AADAT: variants seen among roughly 807,000 people sequenced by gnomAD.
AADAT encodes the protein aminoadipate aminotransferase.
In AADAT, 25 loss-of-function variants were observed where a neutral mutation model predicts 56.2. The ratio of observed to expected loss-of-function variants is 0.44; its 90% CI spans 0.32 to 0.62. The LOEUF (loss-of-function observed/expected upper bound fraction) is 0.62. AADAT is among the 20% of genes least tolerant of loss of function. The pLI, the probability that AADAT is intolerant of heterozygous loss-of-function variation, is 0.04. For synonymous variants in AADAT, 173 were observed against 164.7 expected, an observed-to-expected ratio of 1.05 and a Z score of -0.39; for missense variants, 387 against 510.5, an observed-to-expected ratio of 0.76 and a Z score of 2.33.
At position 170,061,961 on chromosome 4, in the gene AADAT, G is replaced by A. The variant is rs1054031905; in HGVS notation, c.1167C>T (p.Val389=). The A allele has an allele frequency of 6.8e-6, 11 of 1,612,774 alleles. No individual in the cohort carries two copies. Among genetic ancestry groups the A allele is most frequent in the Admixed American group, 1.7e-5 (1 of 59,946 alleles). Residue 389 remains valine, a synonymous_variant, in exon 12 of 13, where the codon GTC becomes GTT. Transcript: ENST00000337664. ...AGTAAGGGCTAGGAGCTGAGCTATC[G>A]ACGTAGAAAGCATTTCCAGGGAGCA... The part of the protein sequence containing the change: ...VLMLPGNAFY[V]DSSAPSPYLR...
At chr4:170,068,275 A>G (rs1731579665) in intron 8 of AADAT, among the ~76,000 whole-genome samples, 1 of 152,168 alleles carries the variant, frequency 6.6e-6, no homozygotes, top group Admixed American at 6.5e-5. Context: ...AACATACAAT[A>G]TCAAACAAGT....
intron 10 of AADAT, 79 bp downstream of exon 10, chr4:170,066,335 G>T (rs1401534829): frequency 8.4e-7 from 1 of 1,196,814 alleles, no homozygotes; most frequent in Non-Finnish European, 1.2e-6. Context: ...CACCAGGATT[G>T]TTAGTAATAT....
At chr4:170,066,120 TA>T (rs1731447998) in intron 10 of AADAT, among the ~76,000 whole-genome samples, 1 of 152,088 alleles carries the variant, frequency 6.6e-6, no homozygotes, top group Admixed American at 6.5e-5. Context: ...CTGAAATAAC[TA>T]AAATTTTTGA....
chr4:170,071,457 C>T (rs761208649), intron 5 of AADAT, among the ~76,000 whole-genome samples: 4 of 152,170 alleles, frequency 2.6e-5, no homozygotes, highest in African/African-American at 4.8e-5. Context: ...AAGGACAGTG[C>T]GGCTGCCCCA....
rs747437640 is a variant in AADAT, at chr4:170,088,498, A to G, written c.134T>C (p.Met45Thr). Residue 45 changes from methionine to threonine, a missense_variant, in exon 2 of 13, where the codon ATG becomes ACG. By Grantham distance (81) the Met-to-Thr change is moderately conservative (BLOSUM62 -1). Transcript: ENST00000337664. ...GATTACGGCAGTCTTAAAAGGAAAC[A>G]TGTTTGGATTTGGTAAGCCACCAGC... ...SLAGGLPNPNMFPFKTAVITV... is the reference protein window; with the variant it reads ...SLAGGLPNPNTFPFKTAVITV... 6.2e-7 allele frequency: 1 copy of G among 1,613,850 alleles called. No individual in the cohort carries two copies. The highest frequency in any genetic ancestry group is 8.5e-7 in the Non-Finnish European group (1 of 1,179,794).
chr4:170,073,509 TTA>T lies in AADAT; in HGVS notation c.445-166_445-165del, dbSNP rs1289489139. The stretch of plus-strand genomic sequence containing the variant: ...CTGAGGGTTGAGGTTACACATTTAT[TTA>T]TTTTTTTTTTTGAGATGGAGTCTCG... On this transcript the variant is annotated intron_variant, in intron 4 of 12. Coordinates refer to ENST00000337664, the MANE Select transcript of AADAT (RefSeq NM_016228.4). 4.3e-3 allele frequency among the ~76,000 whole-genome samples: 652 copies of T among 151,448 alleles called. 2 individuals carry two copies. Among genetic ancestry groups the T allele is most frequent in the African/African-American group, 0.013 (553 of 41,252 alleles).
rs1433628364 is a variant in AADAT at position 170,084,427 on chromosome 4, A to T, written c.369+2689T>A. Among the ~76,000 whole-genome samples, 4 of 152,234 alleles carry T rather than the reference A, an allele frequency of 2.6e-5. No homozygotes were observed. In the South Asian group the frequency reaches 8.3e-4, roughly 32 times the overall value. ...CGGAGTTAAAGAATATTTCTAGGTCAAGTAATAAAAGGTTTGACAATCTTT... is the reference window on the plus strand; with the variant it reads ...CGGAGTTAAAGAATATTTCTAGGTCTAGTAATAAAAGGTTTGACAATCTTT... On this transcript the variant is annotated intron_variant, in intron 3 of 12. Coordinates refer to ENST00000337664, the MANE Select transcript of AADAT (RefSeq NM_016228.4).
At position 170,068,785 on chromosome 4, in the gene AADAT, A is replaced by G. The variant is rs1231629388; in HGVS notation, c.804-98T>C. Reference sequence around the variant, plus strand: ...TTAGACAGACAATTGTGACCTGGGGACAAAAGGATCTAGATAATTAAAACA... The same window carrying G: ...TTAGACAGACAATTGTGACCTGGGGGCAAAAGGATCTAGATAATTAAAACA... On this transcript the variant is annotated intron_variant, in intron 7 of 12. Transcript: ENST00000337664. 47 of 758,264 alleles carry G rather than the reference A, an allele frequency of 6.2e-5. No homozygotes were observed. The East Asian group carries it at 1.2e-3, about 20-fold the overall frequency. 47.0% of individuals were successfully genotyped at this position (758,264 alleles called of 1,614,324 possible). A position where few individuals can be genotyped will look rare whatever the true frequency, so the allele number is the denominator to read the frequency against.
chr4:170,090,509 C>T (rs1561027795), upstream of AADAT: 1 of 152,206 alleles, frequency 6.6e-6, no homozygotes, highest in African/African-American at 2.4e-5. Flanking sequence ...AAGATCTCAG[C>T]ATTTTGGAGT....
intron 4 of AADAT, among the ~76,000 whole-genome samples, chr4:170,078,186 A>G (rs150376148): frequency 6.6e-6 from 1 of 152,310 alleles, no homozygotes; most frequent in African/African-American, 2.4e-5. Flanking sequence ...TAAAAAATAA[A>G]TTTTTGTAAT....
chr4:170,092,245 C>T (rs113212858), upstream of AADAT, among the ~76,000 whole-genome samples: 12 of 152,366 alleles, frequency 7.9e-5, no homozygotes, highest in South Asian at 8.3e-4. Flanking sequence ...GCTGCTGACT[C>T]TTTGGGTCCA....
chr4:170,061,800 A>G (rs1731202284), intron 12 of AADAT, 92 bp downstream of exon 12: 1 of 846,876 alleles, frequency 1.2e-6, no homozygotes, highest in Non-Finnish European at 1.7e-6. Context: ...CCAAACAGAT[A>G]TTAAGTAATA....
chr4:170,078,332 C>A (rs1732133825), intron 4 of AADAT, among the ~76,000 whole-genome samples, 177 bp downstream of exon 4: 10 of 151,898 alleles, frequency 6.6e-5, no homozygotes, highest in Admixed American at 6.6e-4. Context: ...TTGTATATAT[C>A]CTTTAAGATT....
At chr4:170,070,448 C>T in intron 6 of AADAT, 139 bp downstream of exon 6, 1 of 602,652 alleles carries the variant, frequency 1.7e-6, no homozygotes, top group East Asian at 3.4e-5. Context: ...AAAGTAGTAG[C>T]AAATTAATCA....
In AADAT at chr4:170,066,976, A is replaced by G. The variant is rs1396313066; in HGVS notation, c.962+351T>C. Among the ~76,000 whole-genome samples, 3 of 152,200 alleles carry G rather than the reference A, an allele frequency of 2.0e-5. No individual in the cohort carries two copies. In the East Asian group the frequency reaches 5.8e-4, roughly 29 times the overall value. ...TCACCTTCATCTTTACTTGAGCCAA[A>G]TCCCGTGTCATGTATCCTTCACAAT... On this transcript the variant is annotated intron_variant, in intron 9 of 12. Transcript: ENST00000337664.
At chr4:170,065,988 ATAC>A (rs1442919313) in intron 10 of AADAT, among the ~76,000 whole-genome samples, 1 of 152,352 alleles carries the variant, frequency 6.6e-6, no homozygotes, top group Admixed American at 6.5e-5. Flanking sequence ...GCAATAGATA[ATAC>A]TACAGAGATA....
At chr4:170,070,065 T>C (rs1250660953) in intron 6 of AADAT, among the ~76,000 whole-genome samples, 1 of 151,772 alleles carries the variant, frequency 6.6e-6, no homozygotes, top group Non-Finnish European at 1.5e-5. Context: ...GGGTGGCAAA[T>C]GTGGGATGCG....
intron 4 of AADAT, among the ~76,000 whole-genome samples, chr4:170,075,350 TAA>T (rs554968039): frequency 2.6e-5 from 4 of 152,234 alleles, no homozygotes; most frequent in Non-Finnish European, 5.9e-5. Flanking sequence ...TTTGTTTTTT[TAA>T]GTGACAAGGT....
intron 3 of AADAT, among the ~76,000 whole-genome samples, chr4:170,081,737 G>C (rs763106678): frequency 1.3e-5 from 2 of 152,022 alleles, no homozygotes; most frequent in South Asian, 4.1e-4. Flanking sequence ...ATGGGGCCTC[G>C]CTATGTTAAC....
Sources: gnomAD v4.1 joint callset for allele counts (sites outside exome capture counted in the v4.1 genomes callset) on GRCh38, gnomAD v4.1.1 for gene constraint, MANE v1.5 for transcripts, NCBI Gene and HGNC (gene_info 2026-07-23, HGNC 2026-07-21) for gene names.